The following CA10 variants were observed in gnomAD, a reference collection of about 807,000 sequenced individuals.
CA10 encodes carbonic anhydrase-related protein 10.
A neutral mutation model predicts 44.2 loss-of-function variants in CA10; 14 were observed. The observed-to-expected ratio is 0.32, with a 90% CI of 0.21 to 0.50. The LOEUF (loss-of-function observed/expected upper bound fraction) is 0.50. CA10 is among the 20% of genes least tolerant of loss of function. The pLI, the probability that CA10 is intolerant of heterozygous loss-of-function variation, is 0.99. For missense variants in CA10, 350 were observed against 409.7 expected (o/e 0.85, Z 1.26); for synonymous variants, 159 against 141.6 (o/e 1.12, Z -0.87).
At chr17:51,773,552 C>T (rs1240372732) in intron 3 of CA10, among the ~76,000 whole-genome samples, 1 of 152,200 alleles carries the variant, frequency 6.6e-6, no homozygotes, top group Admixed American at 6.5e-5. Flanking sequence ...CCAGATTGCT[C>T]AGGTCTAAAT....
intron 1 of CA10, among the ~76,000 whole-genome samples, chr17:52,151,893 G>C (rs946748375): frequency 2.0e-5 from 3 of 152,096 alleles, no homozygotes; most frequent in African/African-American, 7.2e-5. Context: ...TCACACGTCT[G>C]CCTATCTGGG....
chr17:51,686,384 T>G (rs1196737397), intron 4 of CA10, among the ~76,000 whole-genome samples: 4 of 152,290 alleles, frequency 2.6e-5, no homozygotes, highest in Non-Finnish European at 5.9e-5. Context: ...TTTCTCTTCT[T>G]CAGCCTCACT....
chr17:51,824,294 T>C (rs943346931), intron 3 of CA10, among the ~76,000 whole-genome samples: 7 of 152,198 alleles, frequency 4.6e-5, no homozygotes, highest in African/African-American at 1.7e-4. Context: ...TTGTGCCAGA[T>C]GAGTTCAAAG....
intron 2 of CA10, among the ~76,000 whole-genome samples, chr17:52,068,747 A>G (rs1567722696): frequency 6.6e-6 from 1 of 151,980 alleles, no homozygotes; most frequent in African/African-American, 2.4e-5. Context: ...GTTTTTCTCA[A>G]CTCTCCATTT....
chr17:51,987,248 CTAT>C (rs1471122804), intron 2 of CA10, among the ~76,000 whole-genome samples: 2 of 152,106 alleles, frequency 1.3e-5, no homozygotes, highest in Admixed American at 1.3e-4. Context: ...AGATTGGAGA[CTAT>C]TATTCTAAGT....
intron 1 of CA10, among the ~76,000 whole-genome samples, chr17:52,124,351 A>G (rs1451677305): frequency 6.6e-6 from 1 of 152,208 alleles, no homozygotes; most frequent in Non-Finnish European, 1.5e-5. Context: ...GAGATTTAAG[A>G]GTGATGACCT....
chr17:51,761,212 C>G (rs1288442654), intron 3 of CA10: 2 of 152,134 alleles, frequency 1.3e-5, no homozygotes, highest in African/African-American at 2.4e-5. Context: ...GTTTCCTACC[C>G]CCAAAACAGA....
At chr17:51,646,765 T>C (rs954675775) in intron 6 of CA10, among the ~76,000 whole-genome samples, 1 of 152,210 alleles carries the variant, frequency 6.6e-6, no homozygotes, top group African/African-American at 2.4e-5. Flanking sequence ...GCTGTGGTTT[T>C]CTGCTGCGCA....
At chr17:52,115,128 G>A (rs972180491) in intron 1 of CA10, among the ~76,000 whole-genome samples, 2 of 152,216 alleles carry the variant, frequency 1.3e-5, no homozygotes, top group East Asian at 3.9e-4. Flanking sequence ...CTTATGCAGG[G>A]GAGGAGCCTG....
At chr17:52,104,557 C>G (rs1988616443) in intron 1 of CA10, among the ~76,000 whole-genome samples, 1 of 152,276 alleles carries the variant, frequency 6.6e-6, no homozygotes, top group East Asian at 1.9e-4. Flanking sequence ...ACAACAATAA[C>G]TACTGGGAGA....
intron 1 of CA10, among the ~76,000 whole-genome samples, chr17:52,124,906 G>A (rs1989087035): frequency 6.6e-6 from 1 of 152,158 alleles, no homozygotes; most frequent in South Asian, 2.1e-4. Flanking sequence ...TTTCTACATG[G>A]CAGTCAAGGC....
Position 52,028,608 on chromosome 17 carries a change from C to T in CA10, c.136+43711G>A, listed in dbSNP as rs932421298. Among the ~76,000 whole-genome samples, 56 of 152,288 alleles carry T rather than the reference C, an allele frequency of 3.7e-4. 1 individual carries two copies. Among genetic ancestry groups the T allele is most frequent in the African/African-American group, 1.3e-3 (52 of 41,572 alleles). ...AAGATTCTACCAGCCAGTTGCATCA[C>T]TTGCAAATATTGGAGGCCGTTGCTC... On this transcript the variant is annotated intron_variant, in intron 2 of 8. Coordinates refer to ENST00000451037, the MANE Select transcript of CA10 (RefSeq NM_020178.5).
At chr17:51,976,291 A>G (rs1984459543) in intron 2 of CA10, among the ~76,000 whole-genome samples, 1 of 152,200 alleles carries the variant, frequency 6.6e-6, no homozygotes. Flanking sequence ...GAATAACATT[A>G]TAAATCATCT....
chr17:51,746,035 T>C (rs1904674707), intron 4 of CA10, among the ~76,000 whole-genome samples: 1 of 152,242 alleles, frequency 6.6e-6, no homozygotes, highest in South Asian at 2.1e-4. Context: ...ATCTGCAACT[T>C]GGGAGCCTGG....
chr17:51,899,457 T>C (rs998420435), intron 3 of CA10, among the ~76,000 whole-genome samples: 1 of 152,020 alleles, frequency 6.6e-6, no homozygotes, highest in South Asian at 2.1e-4. Context: ...TTGATGATGA[T>C]ATTTTAATGT....
intron 3 of CA10, among the ~76,000 whole-genome samples, chr17:51,810,596 T>C (rs141088141): frequency 1.3e-5 from 2 of 152,222 alleles, no homozygotes; most frequent in African/African-American, 4.8e-5. Context: ...AAGATGCAGC[T>C]CAAGAAGAAG....
intron 1 of CA10, among the ~76,000 whole-genome samples, chr17:52,133,342 C>A (rs532861314): frequency 2.0e-5 from 3 of 152,256 alleles, no homozygotes; most frequent in African/African-American, 7.2e-5. Context: ...AGGAGACACA[C>A]AGAAGGCCTT....
chr17:51,675,682 C>T (rs1914604716), intron 4 of CA10, among the ~76,000 whole-genome samples: 1 of 151,708 alleles, frequency 6.6e-6, no homozygotes, highest in Non-Finnish European at 1.5e-5. Context: ...CGCCACTGTA[C>T]TCCAGCCTGG....
intron 3 of CA10, among the ~76,000 whole-genome samples, chr17:51,888,018 C>T (rs1028178803): frequency 1.3e-5 from 2 of 151,800 alleles, no homozygotes; most frequent in African/African-American, 4.8e-5. Context: ...GAATGAGACT[C>T]CATCTCAAGA....
Sources: gnomAD v4.1 joint callset for allele counts (sites outside exome capture counted in the v4.1 genomes callset) on GRCh38, gnomAD v4.1.1 for gene constraint, MANE v1.5 for transcripts, NCBI Gene and HGNC (gene_info 2026-07-23, HGNC 2026-07-21) for gene names.